The following SGK1 variants were observed in gnomAD, a reference collection of about 807,000 sequenced individuals.
SGK1 encodes the protein serum/glucocorticoid regulated kinase 1, also known as serine/threonine-protein kinase Sgk1.
In SGK1, 26 loss-of-function variants were observed where a neutral mutation model predicts 64.2. The observed-to-expected ratio is 0.40, with a 90% CI of 0.30 to 0.56. The LOEUF (loss-of-function observed/expected upper bound fraction) is 0.56. Among genes scored for constraint, SGK1 ranks in the 20% least tolerant of loss-of-function variants. The pLI is 0.38. For missense variants in SGK1, 519 were observed against 645.6 expected (o/e 0.80, Z 2.12); for synonymous variants, 265 against 239.7 (o/e 1.11, Z -0.98).
intron 3 of SGK1, among the ~76,000 whole-genome samples, chr6:134,192,831 T>C (rs1308814371): frequency 6.6e-6 from 1 of 152,158 alleles, no homozygotes; most frequent in Admixed American, 6.6e-5. Flanking sequence ...AGTGCTGGGA[T>C]TACAGGCGGG....
intron 11 of SGK1, 185 bp from the exon 12 acceptor site, chr6:134,171,363 T>G: frequency 1.6e-6 from 1 of 640,048 alleles, no homozygotes; most frequent in East Asian, 2.7e-5. Flanking sequence ...TGTGTTTGTG[T>G]GTGTGTGTGT....
intron 1 of SGK1, among the ~76,000 whole-genome samples, chr6:134,277,538 G>A: frequency 6.6e-6 from 1 of 152,098 alleles, no homozygotes; most frequent in East Asian, 1.9e-4. Context: ...TGAGAGGTGG[G>A]CAGACCTGGG....
In SGK1 at chr6:134,174,005, TGGA is replaced by T. The variant is rs1210359128; in HGVS notation, c.510_512del (p.Pro172del). ...ATGCACGGCACATACAAAAACTTAC[TGGA>T]GGAGAAGGGTTGGCATTCATAAGCT... On this transcript the variant is annotated inframe_deletion and splice_region_variant, in exon 5 of 14. Coordinates refer to ENST00000367858, the MANE Select transcript of SGK1 (RefSeq NM_001143676.3). 1.9e-6 allele frequency: 3 copies of T among 1,610,288 alleles called. No individual in the cohort carries two copies. Among genetic ancestry groups the T allele is most frequent in the Non-Finnish European group, 2.5e-6 (3 of 1,177,302 alleles).
rs1001199020 is a variant in SGK1 at position 134,270,085 on chromosome 6, C to G, written c.70-7937G>C. Among the ~76,000 whole-genome samples, 2 of 147,802 alleles carry G rather than the reference C, an allele frequency of 1.4e-5. 1 individual carries two copies. Among genetic ancestry groups the G allele is most frequent in the Admixed American group, 1.4e-4 (2 of 14,562 alleles). On this transcript the variant is annotated intron_variant, in intron 1 of 13. Coordinates refer to ENST00000367858, the MANE Select transcript of SGK1 (RefSeq NM_001143676.3). ...TACAGACGTGTGTCACCACATCCAG[C>G]TAGTTTTGTATTTTTAGTAGAGACA...
chr6:134,287,515 G>A (rs1223392231), intron 1 of SGK1, among the ~76,000 whole-genome samples: 1 of 149,780 alleles, frequency 6.7e-6, no homozygotes, highest in African/African-American at 2.5e-5. Context: ...TGGGCCTAGT[G>A]TGTATATTTG....
intron 1 of SGK1, among the ~76,000 whole-genome samples, chr6:134,274,396 A>G (rs1479795993): frequency 6.6e-6 from 1 of 152,214 alleles, no homozygotes; most frequent in Non-Finnish European, 1.5e-5. Context: ...TTAGAAAAGA[A>G]AGGTAAGGGC....
At chr6:134,298,644 C>A in intron 1 of SGK1, 3 of 1,334,024 alleles carry the variant, frequency 2.2e-6, no homozygotes, top group East Asian at 2.4e-5. Context: ...GCTGAAGGCC[C>A]GGGGGCCAGA....
chr6:134,293,139 G>C (rs6918749), intron 1 of SGK1, among the ~76,000 whole-genome samples: 10,758 of 152,256 alleles, frequency 0.071, 448 homozygotes, highest in African/African-American at 0.11. Context: ...TTAGGATCTA[G>C]ATAATGTAAA....
At position 134,308,710 on chromosome 6, in the gene SGK1, C is replaced by T. The variant is rs750201325; in HGVS notation, c.69+8682G>A. On this transcript the variant is annotated intron_variant, in intron 1 of 13. Coordinates refer to ENST00000367858, the MANE Select transcript of SGK1 (RefSeq NM_001143676.3). ...TAGCTGGGATTACAGGTGCACGCCA[C>T]CACACCCTGCTAATTTTTGTATTTT... 2.6e-5 allele frequency among the ~76,000 whole-genome samples: 4 copies of T among 152,098 alleles called. No individual in the cohort carries two copies. In the South Asian group the frequency reaches 6.2e-4, roughly 24 times the overall value.
chr6:134,301,802 G>A (rs1777462265), intron 1 of SGK1, among the ~76,000 whole-genome samples: 1 of 151,978 alleles, frequency 6.6e-6, no homozygotes, highest in African/African-American at 2.4e-5. Flanking sequence ...TTGCTGTGTT[G>A]CCCAGGCTGG....
chr6:134,317,025 G>A (rs777651490), intron 1 of SGK1, among the ~76,000 whole-genome samples: 79 of 152,270 alleles, frequency 5.2e-4, no homozygotes, highest in South Asian at 2.1e-4. Flanking sequence ...TCAAAGATGA[G>A]AGGAAGCTGC....
chr6:134,298,622 G>A, intron 1 of SGK1: 1 of 1,249,794 alleles, frequency 8.0e-7, no homozygotes, highest in African/African-American at 1.5e-5. Flanking sequence ...GCCCACTCGT[G>A]TAGGAGCGGC....
chr6:134,223,394 A>C (rs2114704528), intron 2 of SGK1, among the ~76,000 whole-genome samples: 2 of 152,150 alleles, frequency 1.3e-5, no homozygotes, highest in Middle Eastern at 3.4e-3. Context: ...ATAATATAAG[A>C]AATGATTCTT....
intron 3 of SGK1, among the ~76,000 whole-genome samples, chr6:134,184,377 C>T (rs540468553): frequency 1.0e-3 from 154 of 151,678 alleles, no homozygotes; most frequent in South Asian, 1.3e-3. Flanking sequence ...TGGTGGTGCG[C>T]GCCTGTAGTC....
At chr6:134,263,401 A>T (rs1404852142) in intron 1 of SGK1, among the ~76,000 whole-genome samples, 1 of 141,412 alleles carries the variant, frequency 7.1e-6, no homozygotes, top group Non-Finnish European at 1.5e-5. Flanking sequence ...CACACTACTA[A>T]TTTTTTTTTT....
intron 1 of SGK1, among the ~76,000 whole-genome samples, chr6:134,303,779 G>A (rs950987157): frequency 3.1e-4 from 45 of 145,664 alleles, no homozygotes; most frequent in African/African-American, 1.1e-3. Context: ...GCACGATTCT[G>A]TCTCCAAGAA....
chr6:134,192,210 C>T (rs1483584188), intron 3 of SGK1, among the ~76,000 whole-genome samples: 1 of 152,082 alleles, frequency 6.6e-6, no homozygotes, highest in African/African-American at 2.4e-5. Flanking sequence ...AGTGATCCAC[C>T]CGCCTCAGCC....
chr6:134,205,380 T>G (rs1409618661), intron 3 of SGK1, among the ~76,000 whole-genome samples: 1 of 152,160 alleles, frequency 6.6e-6, no homozygotes, highest in Non-Finnish European at 1.5e-5. Flanking sequence ...AGAAAACAAT[T>G]TTTTGACAGA....
chr6:134,206,365 ATATATATATATATATATATTTTTT>A (rs1334772323), intron 3 of SGK1, among the ~76,000 whole-genome samples: 2 of 10,270 alleles, frequency 1.9e-4, no homozygotes, highest in Admixed American at 1.0e-3. Flanking sequence ...ATATATATAT[ATATATATATATATATATATTTTTT>A]TTTTTTTTTT....
Sources: gnomAD v4.1 joint callset for allele counts (sites outside exome capture counted in the v4.1 genomes callset) on GRCh38, gnomAD v4.1.1 for gene constraint, MANE v1.5 for transcripts, NCBI Gene and HGNC (gene_info 2026-07-23, HGNC 2026-07-21) for gene names.